CIB2: variants seen among roughly 807,000 people sequenced by gnomAD.
The protein encoded by CIB2 is calcium and integrin binding family member 2.
CIB2 carries 19 observed loss-of-function variants against 23.1 expected under a neutral mutation model. That is an observed-to-expected ratio of 0.82 (90% CI 0.57 to 1.21). The LOEUF is 1.21. Among genes scored for constraint, CIB2 ranks in the 50% most tolerant of loss-of-function variants. CIB2 has a pLI of 0.00. For missense variants in CIB2, 220 were observed against 241.5 expected (o/e 0.91, Z 0.59); for synonymous variants, 94 against 91.7 (o/e 1.03, Z -0.14).
intron 1 of CIB2, among the ~76,000 whole-genome samples, chr15:78,128,359 G>T (rs2074409027): frequency 6.6e-6 from 1 of 152,158 alleles, no homozygotes; most frequent in Admixed American, 6.6e-5. Flanking sequence ...TAAAACTTTG[G>T]GTGCAAAGGG....
intron 5 of CIB2, 85 bp from the exon 6 acceptor site, chr15:78,105,417 C>T (rs1409223736): frequency 1.9e-6 from 3 of 1,597,772 alleles, no homozygotes; most frequent in Admixed American, 3.5e-5. Context: ...CAGCAGGCCC[C>T]AGCCCCATGC....
At chr15:78,106,029 C>A in intron 4 of CIB2, 95 bp from the exon 5 acceptor site, 2 of 960,190 alleles carry the variant, frequency 2.1e-6, no homozygotes, top group East Asian at 2.5e-5. Flanking sequence ...CCCACTACCT[C>A]CACCAGCTTC....
intron 2 of CIB2, among the ~76,000 whole-genome samples, chr15:78,116,909 T>C (rs1214904738): frequency 2.6e-5 from 4 of 151,406 alleles, no homozygotes; most frequent in Non-Finnish European, 4.4e-5. Context: ...AGTGAGACTG[T>C]TTCTATAATT....
intron 2 of CIB2, among the ~76,000 whole-genome samples, chr15:78,118,724 G>A (rs535951727): frequency 2.7e-4 from 41 of 152,178 alleles, no homozygotes; most frequent in African/African-American, 8.0e-4. Context: ...CAGTTCAGTG[G>A]CATATTAAAT....
Position 78,123,757 on chromosome 15 carries a change from A to C in CIB2, c.52-18T>G. The C allele has an allele frequency of 6.2e-7, 1 of 1,613,998 alleles. No individual in the cohort carries two copies. The highest frequency in any genetic ancestry group is 8.5e-7 in the Non-Finnish European group (1 of 1,179,872). ...GTGCAGTCCTGTTGAGGGAAAACAC[A>C]CAACACACAGTCAGTGTGCGGCTCC... On this transcript the variant is annotated intron_variant, in intron 1 of 5. Transcript: ENST00000258930.
At position 78,131,029 on chromosome 15, in the gene CIB2, C is replaced by T. The variant is rs186680215; in HGVS notation, c.51+136G>A. On this transcript the variant is annotated intron_variant, in intron 1 of 5. Transcript: ENST00000258930. This position sits in a 1 kb window ranked among gnomAD's most constrained non-coding sequence, Gnocchi z 5.8. ...AGGGGAAGTCACCGGCCCAAGGTCACGCGTCGAGCTGAAGGCAGAGGCAGG... is the reference window on the plus strand; with the variant it reads ...AGGGGAAGTCACCGGCCCAAGGTCATGCGTCGAGCTGAAGGCAGAGGCAGG... 3.2e-4 allele frequency: 192 copies of T among 603,820 alleles called. 1 individual carries two copies. Among genetic ancestry groups the T allele is most frequent in the Non-Finnish European group, 7.9e-5 (30 of 377,870 alleles). 37.4% of individuals were successfully genotyped at this position (603,820 alleles called of 1,614,324 possible).
At chr15:78,118,646 T>C (rs1056232074) in intron 2 of CIB2, among the ~76,000 whole-genome samples, 1 of 152,018 alleles carries the variant, frequency 6.6e-6, no homozygotes, top group Non-Finnish European at 1.5e-5. Flanking sequence ...TCTTAATTAT[T>C]AGTTTTTCTA....
intron 2 of CIB2, among the ~76,000 whole-genome samples, chr15:78,112,539 C>A (rs899932840): frequency 6.6e-6 from 1 of 152,210 alleles, no homozygotes; most frequent in Non-Finnish European, 1.5e-5. Flanking sequence ...TGCATTCCAG[C>A]CTGGGCAACA....
chr15:78,113,477 C>T (rs1456982254), intron 2 of CIB2, among the ~76,000 whole-genome samples: 1 of 152,024 alleles, frequency 6.6e-6, no homozygotes, highest in African/African-American at 2.4e-5. Context: ...TTACACTGTC[C>T]CCAAATAAGG....
rs368639174 is a variant in CIB2 at position 78,114,148 on chromosome 15, T to C, written c.87-2872A>G. Among the ~76,000 whole-genome samples, 17 of 152,312 alleles carry C rather than the reference T, an allele frequency of 1.1e-4. No individual in the cohort carries two copies. The East Asian group carries it at 3.1e-3, about 28-fold the overall frequency. ...CCACTGGCCTTCAACTGGCAGCTTTTAGCATGCTGCCTGCCACGTCAGAGG... is the reference window on the plus strand; with the variant it reads ...CCACTGGCCTTCAACTGGCAGCTTTCAGCATGCTGCCTGCCACGTCAGAGG... On this transcript the variant is annotated intron_variant, in intron 2 of 5. Coordinates refer to ENST00000258930, the MANE Select transcript of CIB2 (RefSeq NM_006383.4).
chr15:78,117,353 C>G (rs2074256389), intron 2 of CIB2, among the ~76,000 whole-genome samples: 1 of 148,674 alleles, frequency 6.7e-6, no homozygotes, highest in Non-Finnish European at 1.5e-5. Flanking sequence ...ACATTTTTCC[C>G]TATCAGGTAT....
chr15:78,108,937 C>T (rs2074111269), intron 4 of CIB2, among the ~76,000 whole-genome samples: 1 of 150,386 alleles, frequency 6.6e-6, no homozygotes, highest in Admixed American at 6.6e-5. Context: ...CCCCTCTTCT[C>T]CAGTCCAAGC....
chr15:78,107,911 C>T (rs1278737565), intron 4 of CIB2, among the ~76,000 whole-genome samples: 2 of 152,162 alleles, frequency 1.3e-5, no homozygotes, highest in Admixed American at 6.5e-5. Context: ...GTGGCTCACA[C>T]CTGTAATCAC....
At chr15:78,126,176 T>C (rs1445665539) in intron 1 of CIB2, among the ~76,000 whole-genome samples, 2 of 132,380 alleles carry the variant, frequency 1.5e-5, no homozygotes, top group Admixed American at 8.4e-5. Flanking sequence ...GGAGTCTTGC[T>C]CTGTCACCCA....
At position 78,109,216 on chromosome 15, in the gene CIB2, CT is replaced by C; in HGVS notation, c.346+18del. Reference sequence around the variant, plus strand: ...TTCCCCCACCGCATATTCAGGCCCCCTCCTCTAGCCCTGGTTACCATAGATC... The same window carrying C: ...TTCCCCCACCGCATATTCAGGCCCCCCCTCTAGCCCTGGTTACCATAGATC... On this transcript the variant is annotated intron_variant, in intron 4 of 5. Coordinates refer to ENST00000258930, the MANE Select transcript of CIB2 (RefSeq NM_006383.4). 5 of 1,334,592 alleles carry C rather than the reference CT, an allele frequency of 3.7e-6. No individual in the cohort carries two copies. Among genetic ancestry groups the C allele is most frequent in the Non-Finnish European group, 5.2e-6 (5 of 968,160 alleles). The allele number at this position is 1,334,592 out of a possible 1,614,324, so 82.7% of individuals were successfully genotyped here.
At chr15:78,126,747 A>G (rs2074386694) in intron 1 of CIB2, among the ~76,000 whole-genome samples, 1 of 152,150 alleles carries the variant, frequency 6.6e-6, no homozygotes, top group South Asian at 2.1e-4. Flanking sequence ...TCTCTTTCTG[A>G]ACATTTAGTA....
chr15:78,114,391 C>G (rs923894342), intron 2 of CIB2, among the ~76,000 whole-genome samples: 1 of 152,110 alleles, frequency 6.6e-6, no homozygotes, highest in Non-Finnish European at 1.5e-5. Flanking sequence ...GTCAAAGAAC[C>G]ACATCTCTGT....
intron 4 of CIB2, among the ~76,000 whole-genome samples, chr15:78,106,643 G>A (rs1173872356): frequency 6.6e-6 from 1 of 152,096 alleles, no homozygotes; most frequent in Non-Finnish European, 1.5e-5. Flanking sequence ...CTTACATTTT[G>A]AGCCCAACTA....
intron 2 of CIB2, among the ~76,000 whole-genome samples, chr15:78,112,226 T>C (rs992533343): frequency 1.3e-5 from 2 of 152,040 alleles, no homozygotes; most frequent in Non-Finnish European, 1.5e-5. Context: ...GTCCCTGTCA[T>C]CCCAGAGAAT....
Sources: gnomAD v4.1 joint callset for allele counts (sites outside exome capture counted in the v4.1 genomes callset) on GRCh38, gnomAD v4.1.1 for gene constraint, Gnocchi (gnomAD v3.1) non-coding constraint, MANE v1.5 for transcripts, NCBI Gene and HGNC (gene_info 2026-07-23, HGNC 2026-07-21) for gene names.